Variants in MAPK9 observed in about 807,000 individuals in gnomAD.
MAPK9 encodes Jun kinase.
In MAPK9, 30 loss-of-function variants were observed where a neutral mutation model predicts 57.1. The observed-to-expected ratio is 0.53, with a 90% confidence interval of 0.39 to 0.71. MAPK9 has a LOEUF of 0.71. Ranked by LOEUF, MAPK9 falls within the 30% of genes least tolerant of loss-of-function variation. The pLI, the probability that MAPK9 is intolerant of heterozygous loss-of-function variation, is 0.00. For missense variants in MAPK9, 362 were observed against 521.0 expected, an observed-to-expected ratio of 0.69 and a Z score of 2.97; for synonymous variants, 155 against 177.0, an observed-to-expected ratio of 0.88 and a Z score of 0.99.
intron 5 of MAPK9, among the ~76,000 whole-genome samples, chr5:180,256,908 A>G (rs943503679): frequency 6.6e-6 from 1 of 152,188 alleles, no homozygotes; most frequent in Admixed American, 6.5e-5. Context: ...AATTATTCTA[A>G]AGCATAAATA....
Position 180,277,523 on chromosome 5 carries a change from G to A in MAPK9, c.122+2917C>T, listed in dbSNP as rs145594435. ...TCAAGACCATTAATGTAATCACACCGGCTAAATTCCTTTTGCCATGTAAAG... is the reference window on the plus strand; with the variant it reads ...TCAAGACCATTAATGTAATCACACCAGCTAAATTCCTTTTGCCATGTAAAG... On this transcript the variant is annotated intron_variant, in intron 2 of 11. Transcript: ENST00000452135. Among the ~76,000 whole-genome samples the A allele has an allele frequency of 1.7e-3, 262 of 152,138 alleles. 1 individual carries two copies. Among genetic ancestry groups the A allele is most frequent in the African/African-American group, 6.1e-3 (255 of 41,506 alleles).
At chr5:180,279,253 G>C (rs761445453) in intron 2 of MAPK9, among the ~76,000 whole-genome samples, 1 of 152,172 alleles carries the variant, frequency 6.6e-6, no homozygotes, top group Non-Finnish European at 1.5e-5. Context: ...ACCGTGCCCG[G>C]CCACCTTTAA....
At chr5:180,288,268 C>G (rs1353546485) in intron 1 of MAPK9, among the ~76,000 whole-genome samples, 1 of 152,166 alleles carries the variant, frequency 6.6e-6, no homozygotes, top group Admixed American at 6.5e-5. Context: ...TAAGGAACAA[C>G]TCGATTGCTT....
chr5:180,281,186 A>T (rs756628050), intron 1 of MAPK9, among the ~76,000 whole-genome samples: 3 of 152,370 alleles, frequency 2.0e-5, no homozygotes, highest in Non-Finnish European at 2.9e-5. Context: ...CTGCCTCAGG[A>T]GGTGGGTCCC....
intron 7 of MAPK9, among the ~76,000 whole-genome samples, chr5:180,243,269 T>C (rs1757801911): frequency 6.6e-6 from 1 of 152,206 alleles, no homozygotes; most frequent in African/African-American, 2.4e-5. Context: ...AATGATGCTC[T>C]ATTTTACTTG....
At chr5:180,237,388 T>C (rs1757256484) in intron 11 of MAPK9, 1 of 152,212 alleles carries the variant, frequency 6.6e-6, no homozygotes, top group Admixed American at 6.5e-5. Flanking sequence ...GCGTTTCATT[T>C]AGTAAACAGG....
intron 3 of MAPK9, among the ~76,000 whole-genome samples, chr5:180,268,375 C>A (rs989345658): frequency 6.6e-6 from 1 of 152,200 alleles, no homozygotes; most frequent in African/African-American, 2.4e-5. Flanking sequence ...CAACATCTTT[C>A]CACAAAATAT....
rs913990633 is a variant in MAPK9 at position 180,236,203 on chromosome 5, T to C, written c.*181A>G. On this transcript the variant is annotated 3_prime_UTR_variant, in exon 12 of 12. Transcript: ENST00000452135. Reference sequence around the variant, plus strand: ...GGCTTGCAATTTTTTTCTTCAGACATATTCTGCCTCATTTTATCATCTAAG... The same window carrying C: ...GGCTTGCAATTTTTTTCTTCAGACACATTCTGCCTCATTTTATCATCTAAG... 2 of 566,078 alleles carry C rather than the reference T, an allele frequency of 3.5e-6. No individual in the cohort carries two copies. The highest frequency in any genetic ancestry group is 5.7e-5 in the South Asian group (1 of 17,396). 35.1% of individuals were successfully genotyped at this position (566,078 alleles called of 1,614,324 possible). A position where few individuals can be genotyped will look rare whatever the true frequency, so the allele number is the denominator to read the frequency against.
At chr5:180,245,144 C>T (rs1272441888) in intron 7 of MAPK9, among the ~76,000 whole-genome samples, 1 of 152,232 alleles carries the variant, frequency 6.6e-6, no homozygotes, top group African/African-American at 2.4e-5. Flanking sequence ...AGGCTACCGA[C>T]AGACGGATGA....
At chr5:180,251,819 G>C (rs1002363047) in intron 5 of MAPK9, among the ~76,000 whole-genome samples, 1 of 152,112 alleles carries the variant, frequency 6.6e-6, no homozygotes, top group African/African-American at 2.4e-5. Flanking sequence ...CACAGCACCC[G>C]CAGCATGAGT....
intron 10 of MAPK9, among the ~76,000 whole-genome samples, chr5:180,239,347 G>A (rs536775842): frequency 6.6e-6 from 1 of 152,190 alleles, no homozygotes; most frequent in Non-Finnish European, 1.5e-5. Context: ...TGCTGAGCAC[G>A]GGCACACACA....
chr5:180,279,120 G>A (rs1212261612), intron 2 of MAPK9, among the ~76,000 whole-genome samples: 1 of 152,044 alleles, frequency 6.6e-6, no homozygotes, highest in Non-Finnish European at 1.5e-5. Flanking sequence ...ACCACACCTG[G>A]CTAATTTCTG....
chr5:180,259,204 T>C (rs1759642614), intron 5 of MAPK9, among the ~76,000 whole-genome samples: 2 of 152,154 alleles, frequency 1.3e-5, no homozygotes, highest in Non-Finnish European at 1.5e-5. Context: ...GAGGCACCCT[T>C]TGACTGTAAG....
intron 5 of MAPK9, among the ~76,000 whole-genome samples, chr5:180,252,103 G>T (rs1431394009): frequency 6.6e-6 from 1 of 152,156 alleles, no homozygotes; most frequent in Non-Finnish European, 1.5e-5. Context: ...CAGGGGTCAG[G>T]GGTCAGGGCA....
At chr5:180,256,006 A>C (rs998675837) in intron 5 of MAPK9, among the ~76,000 whole-genome samples, 10 of 152,216 alleles carry the variant, frequency 6.6e-5, no homozygotes, top group African/African-American at 2.4e-4. Flanking sequence ...AGTTATATGC[A>C]AGGTGATCCT....
Position 180,280,451 on chromosome 5 carries a change from T to C in MAPK9, c.111A>G (p.Gln37=), listed in dbSNP as rs746086585. The change falls in exon 2 of 12, where the codon CAA becomes CAG. Residue 37 remains glutamine (Q), a synonymous_variant. Coordinates refer to ENST00000452135, the MANE Select transcript of MAPK9 (RefSeq NM_002752.5). ...QQLKPIGSGA[Q]GIVCAAFDTV... ...CAGACCATACTTACCAAACAATCCC[T>C]TGGGCCCCAGAGCCAATTGGTTTCA... 6 of 1,614,136 alleles carry C rather than the reference T, an allele frequency of 3.7e-6. No homozygotes were observed. Among genetic ancestry groups the C allele is most frequent in the Middle Eastern group, 3.3e-4 (2 of 6,060 alleles).
intron 1 of MAPK9, among the ~76,000 whole-genome samples, chr5:180,287,505 A>G (rs537266763): frequency 6.6e-6 from 1 of 152,318 alleles, no homozygotes; most frequent in East Asian, 1.9e-4. Flanking sequence ...TGCCTGGAGA[A>G]TAAGATTCAG....
rs867486346 is a variant in MAPK9, at chr5:180,265,173, G to A, written c.253-334C>T. 3.9e-5 allele frequency among the ~76,000 whole-genome samples: 6 copies of A among 152,204 alleles called. No homozygotes were observed. The South Asian group carries it at 8.3e-4, about 21-fold the overall frequency. On this transcript the variant is annotated intron_variant, in intron 3 of 11. Coordinates refer to ENST00000452135, the MANE Select transcript of MAPK9 (RefSeq NM_002752.5). ...TTAACTCTGAAAACTTAAATACTAC[G>A]CACAAATTTCTAAAAAGGTTTGAAA...
chr5:180,249,911 T>C (rs1305234907), intron 5 of MAPK9, among the ~76,000 whole-genome samples: 1 of 152,220 alleles, frequency 6.6e-6, no homozygotes, highest in African/African-American at 2.4e-5. Context: ...CACAGCCTCC[T>C]GTGGTTAGTG....
Sources: allele counts gnomAD v4.1 joint callset (sites outside exome capture counted in the v4.1 genomes callset), GRCh38; gene constraint gnomAD v4.1.1; transcripts MANE v1.5; gene names NCBI Gene and HGNC (gene_info 2026-07-23, HGNC 2026-07-21).